KDM4B: variants seen among roughly 807,000 people sequenced by gnomAD.
The protein encoded by KDM4B is lysine-specific demethylase 4B.
Under a neutral mutation model 125.2 loss-of-function variants are expected in KDM4B, and 32 were observed. That is an observed-to-expected ratio of 0.26 (90% CI 0.19 to 0.34). The LOEUF (loss-of-function observed/expected upper bound fraction) is 0.34. Ranked by LOEUF, KDM4B falls within the 10% of genes least tolerant of loss-of-function variation. KDM4B has a pLI of 1.00. For synonymous variants in KDM4B, 721 were observed against 677.9 expected (o/e 1.06, Z -0.99); for missense variants, 1,190 against 1,577.7 (o/e 0.75, Z 4.16).
intron 2 of KDM4B, among the ~76,000 whole-genome samples, chr19:5,023,583 C>T (rs563369817): frequency 1.5e-4 from 23 of 152,144 alleles, no homozygotes; most frequent in African/African-American, 4.8e-4. Flanking sequence ...GGCTGGAGGC[C>T]GGCTGGGACT....
At position 5,119,823 on chromosome 19, in the gene KDM4B, C is replaced by A; in HGVS notation, c.1286C>A (p.Pro429Gln). ...EEEEEEPQPL[P>Q]HGREAEGAEE... ...GAGGAGGAGGAGCCGCAGCCACTGC[C>A]ACACGGCCGGGAGGCCGAGGGCGCA... Residue 429 changes from proline (P) to glutamine (Q), a missense_variant, in exon 11 of 23, where the codon CCA becomes CAA. Transcript: ENST00000159111. 1 of 1,544,532 alleles carries A rather than the reference C, an allele frequency of 6.5e-7. No individual in the cohort carries two copies. The highest frequency in any genetic ancestry group is 8.7e-7 in the Non-Finnish European group (1 of 1,145,038).
chr19:5,150,299 G>T, intron 21 of KDM4B, 59 bp from the exon 22 acceptor site: 2 of 1,461,962 alleles, frequency 1.4e-6, no homozygotes, highest in African/African-American at 1.4e-5. Flanking sequence ...GCCGTGGCCT[G>T]CCTGGAGCAC....
rs547940509 is a variant in KDM4B, at chr19:5,106,631, G to A, written c.919-3991G>A. Among the ~76,000 whole-genome samples the A allele has an allele frequency of 3.3e-5, 5 of 152,344 alleles. No homozygotes were observed. In the East Asian group the frequency reaches 9.7e-4, roughly 29 times the overall value. On this transcript the variant is annotated intron_variant, in intron 9 of 22. Transcript: ENST00000159111. ...CTCCTGCGTGCAGGAGCACTGTGAA[G>A]CCTCTGCTGATTCGCTGGCAAGCGG...
chr19:5,136,336 C>T (rs1439648003), intron 15 of KDM4B, among the ~76,000 whole-genome samples: 3 of 152,372 alleles, frequency 2.0e-5, no homozygotes, highest in African/African-American at 4.8e-5. Context: ...ATGTCTGTCT[C>T]TTTCCCACGC....
Position 5,119,670 on chromosome 19 carries a change from G to A in KDM4B, c.1133G>A (p.Ser378Asn). The change falls in exon 11 of 23, where the codon AGC becomes AAC. Residue 378 changes from serine to asparagine, a missense_variant. By Grantham distance (46) the Ser-to-Asn change is conservative (BLOSUM62 1). This residue lies in a region of KDM4B where 428 missense variants were observed against 405.1 expected (regional missense o/e 1.06). Transcript: ENST00000159111. ...CTCTCCAGGTCTCACCGGAAACGGAGCCAGCCCAAGAAGCCGAAGCCCGAA... is the reference window on the plus strand; with the variant it reads ...CTCTCCAGGTCTCACCGGAAACGGAACCAGCCCAAGAAGCCGAAGCCCGAA... ...KLLRRSHRKR[S>N]QPKKPKPEDP... 6.4e-7 allele frequency: 1 copy of A among 1,556,062 alleles called. No homozygotes were observed. Among genetic ancestry groups the A allele is most frequent in the Non-Finnish European group, 8.7e-7 (1 of 1,149,444 alleles).
chr19:5,133,048 T>C (rs2146065458), intron 13 of KDM4B, among the ~76,000 whole-genome samples: 1 of 152,260 alleles, frequency 6.6e-6, no homozygotes, highest in African/African-American at 2.4e-5. Context: ...GCTGGGCTGA[T>C]CCCAGGACCC....
chr19:5,090,452 CT>C (rs1405793064), intron 9 of KDM4B, among the ~76,000 whole-genome samples: 1 of 73,910 alleles, frequency 1.4e-5, no homozygotes, highest in Non-Finnish European at 2.8e-5. Context: ...TCTCTTCCCC[CT>C]CTCTCTCCGC....
At chr19:5,042,048 AG>A (rs745361471) in intron 5 of KDM4B, among the ~76,000 whole-genome samples, 74 of 152,270 alleles carry the variant, frequency 4.9e-4, no homozygotes, top group Non-Finnish European at 9.7e-4. Flanking sequence ...ACATGGAGCC[AG>A]GCATAAGCCA....
In KDM4B at chr19:5,131,979, G is replaced by T; in HGVS notation, c.1878G>T (p.Val626=). 1 of 1,610,734 alleles carries T rather than the reference G, an allele frequency of 6.2e-7. No homozygotes were observed. The highest frequency in any genetic ancestry group is 1.3e-5 in the African/African-American group (1 of 75,032). The part of the protein sequence containing the change: ...GRPPTRSPLS[V]VKQEASSDEE... ...CGCCCACCCGGTCCCCACTGTCGGT[G>T]GTGAAGCAGGAGGCCTCAAGTGACG... The change falls in exon 13 of 23, where the codon GTG becomes GTT. Residue 626 remains valine (V), a synonymous_variant. Transcript: ENST00000159111.
chr19:5,056,874 G>A (rs2037414021), intron 6 of KDM4B, among the ~76,000 whole-genome samples: 1 of 149,696 alleles, frequency 6.7e-6, no homozygotes, highest in Non-Finnish European at 1.5e-5. Flanking sequence ...GAGTCCTGGG[G>A]CGGGGACGCT....
rs916392615 is a variant in KDM4B at position 5,115,426 on chromosome 19, C to T, written c.1116-4227C>T. Among the ~76,000 whole-genome samples, 6 of 152,146 alleles carry T rather than the reference C, an allele frequency of 3.9e-5. No homozygotes were observed. The highest frequency in any genetic ancestry group is 1.2e-4 in the African/African-American group (5 of 41,440). On this transcript the variant is annotated intron_variant, in intron 10 of 22. Transcript: ENST00000159111. This position sits in a 1 kb window ranked among gnomAD's most constrained non-coding sequence, Gnocchi z 4.2. ...GAGAGACAATAGAGGGGGTGGGGGT[C>T]CTCTGCCAGAGAACAAAGGGGCCCA...
chr19:5,122,752 C>T (rs1048531263), intron 11 of KDM4B, among the ~76,000 whole-genome samples: 2 of 152,308 alleles, frequency 1.3e-5, no homozygotes, highest in Middle Eastern at 6.8e-3. Flanking sequence ...AAGAGGGCAC[C>T]AGAAGAGGAG....
chr19:5,086,968 C>G (rs2620798), intron 9 of KDM4B, among the ~76,000 whole-genome samples: 90,735 of 152,192 alleles, frequency 0.6, 28,196 homozygotes, highest in East Asian at 0.94. Context: ...GGCTTACCTA[C>G]TTACACAGCC....
At chr19:5,134,952 T>A (rs1051962481) in intron 14 of KDM4B, among the ~76,000 whole-genome samples, 1 of 152,228 alleles carries the variant, frequency 6.6e-6, no homozygotes, top group African/African-American at 2.4e-5. Flanking sequence ...GGGCCTGGAA[T>A]GCCACTTCAG....
rs180985805 is a variant in KDM4B at position 4,979,855 on chromosome 19, C to A, written c.-109+10625C>A. On this transcript the variant is annotated intron_variant, in intron 1 of 22. Coordinates refer to ENST00000159111, the MANE Select transcript of KDM4B (RefSeq NM_015015.3). ...CAGCGGCTCATGCCTGCAATCCTAG[C>A]ACTTTGGGAGGCTGAGGTGGGCAGA... Among the ~76,000 whole-genome samples the A allele has an allele frequency of 3.3e-4, 50 of 152,326 alleles. No individual in the cohort carries two copies. In the East Asian group the frequency reaches 5.8e-3, roughly 18 times the overall value.
chr19:5,048,378 G>T (rs1042058317), intron 6 of KDM4B, among the ~76,000 whole-genome samples: 1 of 152,220 alleles, frequency 6.6e-6, no homozygotes, highest in East Asian at 1.9e-4. Context: ...CTGTGTCACC[G>T]GGCTCTGCTT....
At position 5,082,487 on chromosome 19, in the gene KDM4B, G is replaced by A. The variant is rs2038330115; in HGVS notation, c.901G>A (p.Gly301Ser). The A allele has an allele frequency of 1.2e-6, 2 of 1,605,196 alleles. No homozygotes were observed. Residue 301 changes from glycine to serine, a missense_variant, in exon 9 of 23, where the codon GGC becomes AGC. This residue lies in a region of KDM4B where 75 missense variants were observed against 218.2 expected (regional missense o/e 0.34). Transcript: ENST00000159111. This position sits in a 1 kb window ranked among gnomAD's most constrained non-coding sequence, Gnocchi z 5.4. ...CGCCACCCTGCGGTGGATTGACTAC[G>A]GCAAAGTGGCCACTCAGGTAAAAGC... ...NFATLRWIDY[G>S]KVATQCTCRK...
intron 18 of KDM4B, chr19:5,138,602 G>C (rs2039689974): frequency 6.3e-6 from 1 of 159,794 alleles, no homozygotes; most frequent in African/African-American, 2.4e-5. Flanking sequence ...GCTGCAGTGA[G>C]CTGTGATGGC....
At chr19:5,107,652 T>A (rs1290594977) in intron 9 of KDM4B, among the ~76,000 whole-genome samples, 6 of 152,182 alleles carry the variant, frequency 3.9e-5, no homozygotes, top group East Asian at 1.9e-4. Flanking sequence ...CATGGGCACG[T>A]GGCTCCCACA....
Sources: gnomAD v4.1 joint callset for allele counts (sites outside exome capture counted in the v4.1 genomes callset) on GRCh38, gnomAD v4.1.1 for gene constraint, gnomAD v4.1.1 regional missense constraint, Gnocchi (gnomAD v3.1) non-coding constraint, MANE v1.5 for transcripts, NCBI Gene and HGNC (gene_info 2026-07-23, HGNC 2026-07-21) for gene names.